Variants in CTNNA2 observed in about 807,000 individuals in gnomAD.
CTNNA2 encodes the protein catenin alpha-2.
Under a neutral mutation model 101.0 loss-of-function variants are expected in CTNNA2, and 42 were observed. The ratio of observed to expected loss-of-function variants is 0.42; its 90% CI spans 0.32 to 0.54. CTNNA2 has a LOEUF of 0.54. Among genes scored for constraint, CTNNA2 ranks in the 20% least tolerant of loss-of-function variants. The probability of loss-of-function intolerance (pLI) is 0.14; values close to 1 mark genes in which losing one functional copy is unlikely to be tolerated. For synonymous variants in CTNNA2, 450 were observed against 456.4 expected (o/e 0.99, Z 0.18); for missense variants, 871 against 1,223.1 (o/e 0.71, Z 4.29).
chr2:80,015,531 AGAG>A (rs1178931245), intron 7 of CTNNA2, among the ~76,000 whole-genome samples: 2 of 152,168 alleles, frequency 1.3e-5, no homozygotes, highest in African/African-American at 4.8e-5. Context: ...GGGGTGAAGT[AGAG>A]GAGAAGATGG....
At chr2:80,443,460 G>A (rs911354134) in intron 9 of CTNNA2, among the ~76,000 whole-genome samples, 1 of 152,184 alleles carries the variant, frequency 6.6e-6, no homozygotes, top group African/African-American at 2.4e-5. Context: ...GATGACCTCT[G>A]CTTTTACCAT....
chr2:79,730,078 G>T (rs1048553980), intron 2 of CTNNA2, among the ~76,000 whole-genome samples: 4 of 152,030 alleles, frequency 2.6e-5, no homozygotes, highest in Admixed American at 1.3e-4. Flanking sequence ...AGACAAATAT[G>T]TGCTGATCAT....
intron 7 of CTNNA2, among the ~76,000 whole-genome samples, chr2:80,251,470 T>C (rs1671758622): frequency 6.6e-6 from 1 of 152,244 alleles, no homozygotes; most frequent in African/African-American, 2.4e-5. Context: ...GAGGGGGACC[T>C]GAATGAAACC....
intron 7 of CTNNA2, among the ~76,000 whole-genome samples, chr2:80,040,807 T>C (rs1206906525): frequency 1.3e-5 from 2 of 152,192 alleles, no homozygotes; most frequent in African/African-American, 4.8e-5. Flanking sequence ...AAATTTAACG[T>C]GTATACTTTT....
chr2:79,531,614 CAA>C (rs1672747896), intron 1 of CTNNA2, among the ~76,000 whole-genome samples: 1 of 151,646 alleles, frequency 6.6e-6, no homozygotes, highest in Non-Finnish European at 1.5e-5. Flanking sequence ...AGCATTGACA[CAA>C]AAGATACACA....
At chr2:80,339,190 CATGT>C (rs775264249) in intron 7 of CTNNA2, among the ~76,000 whole-genome samples, 4 of 151,924 alleles carry the variant, frequency 2.6e-5, no homozygotes, top group Admixed American at 2.6e-4. Flanking sequence ...TGTGTGTGCA[CATGT>C]GTGTGTGTGT....
intron 4 of CTNNA2, among the ~76,000 whole-genome samples, chr2:79,865,998 C>T (rs1359662611): frequency 2.0e-5 from 3 of 152,220 alleles, no homozygotes; most frequent in Non-Finnish European, 2.9e-5. Context: ...GGATTACAGG[C>T]GTGAGCCACC....
intron 7 of CTNNA2, among the ~76,000 whole-genome samples, chr2:80,034,361 T>TC (rs1381964427): frequency 3.3e-5 from 5 of 149,406 alleles, no homozygotes; most frequent in African/African-American, 1.2e-4. Flanking sequence ...TTTCTTTTTT[T>TC]TTTTTTTTTT....
chr2:80,634,305 A>T (rs958806140), intron 18 of CTNNA2, among the ~76,000 whole-genome samples: 4 of 152,168 alleles, frequency 2.6e-5, no homozygotes, highest in Non-Finnish European at 4.4e-5. Context: ...GGTAGTTTTC[A>T]CCAAGATGCT....
At chr2:80,433,572 G>GA (rs1239269041) in intron 9 of CTNNA2, among the ~76,000 whole-genome samples, 1 of 152,052 alleles carries the variant, frequency 6.6e-6, no homozygotes, top group African/African-American at 2.4e-5. Context: ...TATGTTGGAG[G>GA]AAAGTGGGAA....
chr2:80,312,103 A>G (rs1288194428), intron 7 of CTNNA2, among the ~76,000 whole-genome samples: 1 of 152,228 alleles, frequency 6.6e-6, no homozygotes, highest in Non-Finnish European at 1.5e-5. Flanking sequence ...CATTGCCACA[A>G]AGAAATAGCA....
chr2:80,023,128 G>T (rs1198539928), intron 7 of CTNNA2, among the ~76,000 whole-genome samples: 1 of 152,178 alleles, frequency 6.6e-6, no homozygotes, highest in East Asian at 1.9e-4. Context: ...CTCAAAAGTG[G>T]TCCATGACTC....
intron 3 of CTNNA2, among the ~76,000 whole-genome samples, chr2:79,802,756 G>A (rs1034641022): frequency 2.0e-5 from 3 of 152,246 alleles, no homozygotes; most frequent in Admixed American, 6.5e-5. Context: ...TTGGTAAAAT[G>A]TCTCAGTTAC....
Position 80,302,914 on chromosome 2 carries a change from A to C in CTNNA2, c.1057-90297A>C. ...GGGTGATGCTTGTCAGGGACTTCCA[A>C]GAGTTGAGGATCCGGGGCTCGATGT... On this transcript the variant is annotated intron_variant, in intron 7 of 18. Coordinates refer to ENST00000402739, the MANE Select transcript of CTNNA2 (RefSeq NM_001282597.3). This position sits in a 1 kb window ranked among gnomAD's most constrained non-coding sequence, Gnocchi z 6.4. 1 of 1,613,978 alleles carries C rather than the reference A, an allele frequency of 6.2e-7. No homozygotes were observed. The highest frequency in any genetic ancestry group is 8.5e-7 in the Non-Finnish European group (1 of 1,180,010).
At chr2:79,428,655 T>G (rs72820631) in intron 4 of CTNNA2, among the ~76,000 whole-genome samples, 8,427 of 151,980 alleles carry the variant, frequency 0.055, 409 homozygotes, top group East Asian at 0.13. Flanking sequence ...GTTTACAGGA[T>G]CTGTGTAAAG....
At chr2:79,236,273 AC>A (rs1157911631) in intron 2 of CTNNA2, among the ~76,000 whole-genome samples, 10 of 152,170 alleles carry the variant, frequency 6.6e-5, no homozygotes, top group Non-Finnish European at 1.5e-4. Flanking sequence ...CCTAAGGACT[AC>A]AGGCATGTGC....
intron 9 of CTNNA2, among the ~76,000 whole-genome samples, chr2:80,469,438 T>C (rs2149483724): frequency 6.6e-6 from 1 of 152,308 alleles, no homozygotes; most frequent in South Asian, 2.1e-4. Context: ...GGGAAAAAAG[T>C]CAGCTCAGAT....
chr2:80,210,432 C>A (rs1707812361), intron 7 of CTNNA2, among the ~76,000 whole-genome samples: 1 of 152,012 alleles, frequency 6.6e-6, no homozygotes, highest in African/African-American at 2.4e-5. Flanking sequence ...TCTCATTGTT[C>A]AGTTCCCACC....
At chr2:79,860,720 T>A (rs1681558122) in intron 4 of CTNNA2, among the ~76,000 whole-genome samples, 1 of 152,104 alleles carries the variant, frequency 6.6e-6, no homozygotes, top group Admixed American at 6.6e-5. Flanking sequence ...TGGTGGAATG[T>A]TGCTATCTTG....
Sources: gnomAD v4.1 joint callset for allele counts (sites outside exome capture counted in the v4.1 genomes callset) on GRCh38, gnomAD v4.1.1 for gene constraint, Gnocchi (gnomAD v3.1) non-coding constraint, MANE v1.5 for transcripts, NCBI Gene and HGNC (gene_info 2026-07-23, HGNC 2026-07-21) for gene names.